Variants in RGPD2 observed in about 807,000 individuals in gnomAD.
The protein encoded by RGPD2 is RANBP2-like and GRIP domain-containing protein 2.
In RGPD2, 2 loss-of-function variants were observed where a neutral mutation model predicts 36.0. The ratio of observed to expected loss-of-function variants is 0.06; its 90% CI spans 0.02 to 0.17. The LOEUF (loss-of-function observed/expected upper bound fraction) is 0.17. Ranked by LOEUF, RGPD2 falls within the 10% of genes least tolerant of loss-of-function variation. RGPD2 has a pLI of 1.00. For synonymous variants in RGPD2, 19 were observed against 163.8 expected (o/e 0.12, Z 6.75); for missense variants, 40 against 464.3 (o/e 0.09, Z 8.40).
the RGPD2 span, among the ~76,000 whole-genome samples, chr2:87,937,976 C>T: frequency 2.0e-5 from 3 of 151,746 alleles, no homozygotes; most frequent in African/African-American, 7.3e-5. Context: ...AGTTTCAGTA[C>T]AGCAGTGAGA....
chr2:87,822,308 A>T (rs1197435276), intron 1 of RGPD2, among the ~76,000 whole-genome samples: 4 of 152,158 alleles, frequency 2.6e-5, no homozygotes, highest in African/African-American at 7.2e-5. Flanking sequence ...AAAGGGTAAG[A>T]AATGGTCAAA....
the RGPD2 span, among the ~76,000 whole-genome samples, chr2:87,927,380 G>C: frequency 8.0e-6 from 1 of 125,432 alleles, no homozygotes; most frequent in Non-Finnish European, 1.7e-5. Context: ...CAAATGCGGA[G>C]GCTTACAACA....
chr2:87,915,986 T>C, the RGPD2 span, among the ~76,000 whole-genome samples: 1 of 149,284 alleles, frequency 6.7e-6, no homozygotes, highest in South Asian at 2.1e-4. Flanking sequence ...CAGTGGTGTG[T>C]ACAGAGGTTC....
chr2:87,857,607 G>A, the RGPD2 span, among the ~76,000 whole-genome samples: 1 of 151,682 alleles, frequency 6.6e-6, no homozygotes, highest in Non-Finnish European at 1.5e-5. Context: ...CTCCCAAAGT[G>A]AGCCACCGCG....
At chr2:87,983,099 C>A in the RGPD2 span, among the ~76,000 whole-genome samples, 1 of 146,654 alleles carries the variant, frequency 6.8e-6, no homozygotes, top group Non-Finnish European at 1.5e-5. Context: ...GTGGGAGGAT[C>A]ACTTGAGCTC....
At chr2:87,825,568 CCGCCCGGCCAGGTCGA>C (rs1686752449) in intron 1 of RGPD2, 74 bp downstream of exon 1, 1 of 1,042,408 alleles carries the variant, frequency 9.6e-7, no homozygotes, top group Non-Finnish European at 1.2e-6. Context: ...GTCGAGGCCG[CCGCCCGGCCAGGTCGA>C]GGCCGCCGCC....
chr2:87,872,722 T>C, the RGPD2 span, among the ~76,000 whole-genome samples: 1 of 151,456 alleles, frequency 6.6e-6, no homozygotes, highest in African/African-American at 2.4e-5. Context: ...TTCCCTGCCA[T>C]GTGTCTATGT....
chr2:87,953,465 T>C, the RGPD2 span, among the ~76,000 whole-genome samples: 2 of 142,940 alleles, frequency 1.4e-5, no homozygotes, highest in African/African-American at 5.2e-5. Flanking sequence ...ATTAATTACT[T>C]ATAGTTACCA....
rs766480896 is a variant in RGPD2, at chr2:87,825,760, G to A, written c.-31C>T. On this transcript the variant is annotated 5_prime_UTR_variant, in exon 1 of 23. Coordinates refer to ENST00000398146, the MANE Select transcript of RGPD2 (RefSeq NM_001078170.3). ...CGCCAACCTGGCTCCCGAGACGCGTGAAACCAGCGCTCAGCCCCGCAGCAG... is the reference window on the plus strand; with the variant it reads ...CGCCAACCTGGCTCCCGAGACGCGTAAAACCAGCGCTCAGCCCCGCAGCAG... The A allele has an allele frequency of 7.6e-6, 12 of 1,575,268 alleles. No homozygotes were observed. Among genetic ancestry groups the A allele is most frequent in the African/African-American group, 1.4e-5 (1 of 74,062 alleles).
chr2:87,938,407 G>A, the RGPD2 span, among the ~76,000 whole-genome samples: 2 of 146,958 alleles, frequency 1.4e-5, no homozygotes, highest in Non-Finnish European at 3.0e-5. Context: ...GATTTGGGTA[G>A]GTTATTATGA....
chr2:87,988,541 A>ATATATTTTTTT, the RGPD2 span, among the ~76,000 whole-genome samples: 3 of 54,152 alleles, frequency 5.5e-5, no homozygotes, highest in East Asian at 3.0e-3. Context: ...ATATATATAT[A>ATATATTTTTTT]TTTTTTTTTT....
At chr2:87,854,671 T>C in the RGPD2 span, among the ~76,000 whole-genome samples, 1 of 152,236 alleles carries the variant, frequency 6.6e-6, no homozygotes, top group Non-Finnish European at 1.5e-5. Flanking sequence ...CTTAACAATA[T>C]GCATTTAAGA....
At chr2:87,861,241 A>C in the RGPD2 span, among the ~76,000 whole-genome samples, 1 of 151,104 alleles carries the variant, frequency 6.6e-6, no homozygotes, top group African/African-American at 2.4e-5. Context: ...TGACATTTTC[A>C]ATTTTTATTA....
the RGPD2 span, among the ~76,000 whole-genome samples, chr2:87,984,946 AAAAAG>A: frequency 6.7e-6 from 1 of 149,606 alleles, no homozygotes. Context: ...AAAAAAAAAA[AAAAAG>A]GATTTGGTGT....
chr2:87,986,617 C>T, the RGPD2 span, among the ~76,000 whole-genome samples: 387 of 151,950 alleles, frequency 2.5e-3, 10 homozygotes, highest in East Asian at 0.058. Flanking sequence ...TGGTGACTCA[C>T]GCCTGTAATC....
chr2:87,973,250 T>C, the RGPD2 span, among the ~76,000 whole-genome samples: 1 of 149,208 alleles, frequency 6.7e-6, no homozygotes, highest in Non-Finnish European at 1.5e-5. Flanking sequence ...GGGGCAGGGG[T>C]GACCCCTGCC....
chr2:87,985,841 G>T, the RGPD2 span: 2 of 1,610,932 alleles, frequency 1.2e-6, no homozygotes, highest in South Asian at 2.2e-5. Context: ...TGTGGACATT[G>T]TACCACTTGA....
the RGPD2 span, among the ~76,000 whole-genome samples, chr2:87,978,912 G>A: frequency 7.5e-4 from 100 of 133,028 alleles, 1 homozygote; most frequent in Middle Eastern, 4.1e-3. Flanking sequence ...GTGACACCCC[G>A]TCTCTTAAAA....
At chr2:87,957,094 G>A in the RGPD2 span, among the ~76,000 whole-genome samples, 1 of 151,872 alleles carries the variant, frequency 6.6e-6, no homozygotes, top group East Asian at 2.0e-4. Context: ...TTGCAACAGA[G>A]TGTGGAAAAG....
Sources: gnomAD v4.1 joint callset for allele counts (sites outside exome capture counted in the v4.1 genomes callset) on GRCh38, gnomAD v4.1.1 for gene constraint, MANE v1.5 for transcripts, NCBI Gene and HGNC (gene_info 2026-07-23, HGNC 2026-07-21) for gene names.